Variants in PDE4D observed in about 807,000 individuals in gnomAD.
PDE4D encodes phosphodiesterase 4D.
PDE4D carries 24 observed loss-of-function variants against 87.4 expected under a neutral mutation model. The observed-to-expected ratio is 0.27, with a 90% CI of 0.20 to 0.39. The LOEUF (loss-of-function observed/expected upper bound fraction) is 0.39, where lower values mean the gene tolerates loss of function less well. PDE4D is among the 10% of genes least tolerant of loss of function. The probability of loss-of-function intolerance (pLI) is 1.00; values close to 1 mark genes in which losing one functional copy is unlikely to be tolerated. For synonymous variants in PDE4D, 384 were observed against 383.2 expected (o/e 1.00, Z -0.02); for missense variants, 714 against 1,041.0 (o/e 0.69, Z 4.32).
chr5:59,554,212 C>T (rs144059825), intron 1 of PDE4D, among the ~76,000 whole-genome samples: 4 of 152,240 alleles, frequency 2.6e-5, no homozygotes, highest in African/African-American at 9.6e-5. Context: ...TTTGACTCAA[C>T]TTTTTTTCTG....
intron 2 of PDE4D, among the ~76,000 whole-genome samples, chr5:60,102,325 G>A (rs1411492513): frequency 6.6e-6 from 1 of 151,998 alleles, no homozygotes. Flanking sequence ...AGTATTGTGT[G>A]ATGTTGAGGT....
At chr5:59,814,744 C>T (rs1216858467) in intron 1 of PDE4D, among the ~76,000 whole-genome samples, 1 of 152,148 alleles carries the variant, frequency 6.6e-6, no homozygotes, top group Non-Finnish European at 1.5e-5. Flanking sequence ...ACCAGCTGCA[C>T]TTCACAATGC....
chr5:59,325,943 A>C (rs1181379488), intron 1 of PDE4D, among the ~76,000 whole-genome samples: 1 of 152,150 alleles, frequency 6.6e-6, no homozygotes, highest in African/African-American at 2.4e-5. Flanking sequence ...AGCCATAAAA[A>C]ATGATGAGTT....
intron 1 of PDE4D, among the ~76,000 whole-genome samples, chr5:59,234,347 T>A (rs2153518748): frequency 6.6e-6 from 1 of 152,298 alleles, no homozygotes; most frequent in South Asian, 2.1e-4. Flanking sequence ...CCACTTATCC[T>A]CTTTTAAAAA....
At chr5:59,514,168 C>T (rs773568659) in intron 1 of PDE4D, among the ~76,000 whole-genome samples, 5 of 149,530 alleles carry the variant, frequency 3.3e-5, no homozygotes, top group Admixed American at 6.7e-5. Flanking sequence ...TGCAGTGGTG[C>T]GATCTCGGCT....
At chr5:60,443,568 TGA>T (rs1301465200) in intron 1 of PDE4D, among the ~76,000 whole-genome samples, 4 of 152,156 alleles carry the variant, frequency 2.6e-5, no homozygotes, top group African/African-American at 9.7e-5. Flanking sequence ...TTATGTCAGA[TGA>T]ACTTAACATT....
At position 60,293,807 on chromosome 5, in the gene PDE4D, T is replaced by C. The variant is rs926038334; in HGVS notation, c.-89-108120A>G. 6.6e-5 allele frequency among the ~76,000 whole-genome samples: 10 copies of C among 152,248 alleles called. 1 individual carries two copies. Among genetic ancestry groups the C allele is most frequent in the Admixed American group, 3.9e-4 (6 of 15,282 alleles). Reference sequence around the variant, plus strand: ...TTTGTTGCGGAGTAATACTCCATTGTATAACTGTGACAAAATTTGTTTATT... The same window carrying C: ...TTTGTTGCGGAGTAATACTCCATTGCATAACTGTGACAAAATTTGTTTATT... On this transcript the variant is annotated intron_variant, in intron 1 of 16. Coordinates refer to the PDE4D transcript ENST00000502484.
At chr5:60,002,788 C>A (rs924792222) in intron 2 of PDE4D, among the ~76,000 whole-genome samples, 1 of 152,084 alleles carries the variant, frequency 6.6e-6, no homozygotes, top group Non-Finnish European at 1.5e-5. Flanking sequence ...AGACAATAAA[C>A]GCCATATTTG....
intron 1 of PDE4D, among the ~76,000 whole-genome samples, chr5:59,462,804 A>AT (rs1800972753): frequency 6.6e-6 from 1 of 152,298 alleles, no homozygotes; most frequent in South Asian, 2.1e-4. Context: ...ATTTTCTGAC[A>AT]TTCCATTACT....
At chr5:60,193,331 G>A (rs995782628) in intron 1 of PDE4D, among the ~76,000 whole-genome samples, 8 of 152,074 alleles carry the variant, frequency 5.3e-5, no homozygotes, top group Admixed American at 4.6e-4. Flanking sequence ...CTACAAAATA[G>A]GTTCATATTA....
intron 2 of PDE4D, among the ~76,000 whole-genome samples, chr5:60,104,929 A>G (rs991444147): frequency 5.3e-5 from 8 of 152,284 alleles, no homozygotes; most frequent in African/African-American, 7.2e-5. Context: ...GAGCAGAAAA[A>G]CTGGAAACTC....
chr5:59,413,978 A>T (rs1158179352), intron 1 of PDE4D, among the ~76,000 whole-genome samples: 1 of 152,206 alleles, frequency 6.6e-6, no homozygotes, highest in Non-Finnish European at 1.5e-5. Flanking sequence ...TCAGAATTCT[A>T]TTATGCATTT....
chr5:60,220,678 C>T (rs1744395460), intron 1 of PDE4D, among the ~76,000 whole-genome samples: 1 of 152,082 alleles, frequency 6.6e-6, no homozygotes, highest in African/African-American at 2.4e-5. Flanking sequence ...CAGAAAAAAC[C>T]TTCCCCATCT....
At chr5:59,059,435 C>G (rs1762813274) in intron 5 of PDE4D, among the ~76,000 whole-genome samples, 1 of 152,186 alleles carries the variant, frequency 6.6e-6, no homozygotes, top group South Asian at 2.1e-4. Context: ...TTAGAACAAG[C>G]ACGGTAATTC....
At chr5:59,882,471 T>C (rs1251205461) in intron 1 of PDE4D, among the ~76,000 whole-genome samples, 7 of 152,208 alleles carry the variant, frequency 4.6e-5, no homozygotes, top group African/African-American at 9.6e-5. Context: ...GTAATATTGT[T>C]ATCATGAATT....
At chr5:59,113,083 TC>T (rs1772966321) in intron 5 of PDE4D, among the ~76,000 whole-genome samples, 1 of 152,036 alleles carries the variant, frequency 6.6e-6, no homozygotes, top group Admixed American at 6.6e-5. Flanking sequence ...CTTCCCTTCT[TC>T]CCTCCTTGTT....
At chr5:60,277,823 T>G (rs897568917) in intron 1 of PDE4D, among the ~76,000 whole-genome samples, 5 of 152,150 alleles carry the variant, frequency 3.3e-5, no homozygotes, top group Non-Finnish European at 5.9e-5. Context: ...TTTTATCACT[T>G]AAAGTGAAGT....
chr5:59,885,425 A>G (rs1749999401), intron 1 of PDE4D, among the ~76,000 whole-genome samples: 1 of 152,138 alleles, frequency 6.6e-6, no homozygotes, highest in Admixed American at 6.5e-5. Flanking sequence ...TCCCATTTCA[A>G]ACTGCTTACT....
At chr5:59,860,318 T>G (rs991814396) in intron 1 of PDE4D, among the ~76,000 whole-genome samples, 9 of 152,204 alleles carry the variant, frequency 5.9e-5, no homozygotes, top group African/African-American at 2.2e-4. Context: ...ATTATCTTCA[T>G]GAAAATGATG....
Sources: allele counts gnomAD v4.1 joint callset (sites outside exome capture counted in the v4.1 genomes callset), GRCh38; gene constraint gnomAD v4.1.1; transcripts MANE v1.5; gene names NCBI Gene and HGNC (gene_info 2026-07-23, HGNC 2026-07-21).